Variants in ACBD6 observed in about 807,000 individuals in gnomAD.
The protein encoded by ACBD6 is acyl-CoA-binding domain-containing protein 6.
ACBD6 carries 28 observed loss-of-function variants against 37.2 expected under a neutral mutation model. That is an observed-to-expected ratio of 0.75 (90% CI 0.56 to 1.03). The LOEUF (loss-of-function observed/expected upper bound fraction) is 1.03. Among genes scored for constraint, ACBD6 ranks in the 50% least tolerant of loss-of-function variants. ACBD6 has a pLI of 0.00. For synonymous variants in ACBD6, 113 were observed against 126.8 expected, an observed-to-expected ratio of 0.89 and a Z score of 0.73; for missense variants, 340 against 337.4, an observed-to-expected ratio of 1.01 and a Z score of -0.06.
At chr1:180,499,120 T>C (rs1347899329) in intron 1 of ACBD6, among the ~76,000 whole-genome samples, 1 of 152,224 alleles carries the variant, frequency 6.6e-6, no homozygotes, top group Non-Finnish European at 1.5e-5. Flanking sequence ...ATAAGGTTCA[T>C]ATTTCAGCTT....
At chr1:180,364,210 C>T (rs1185922750) in intron 6 of ACBD6, among the ~76,000 whole-genome samples, 2 of 152,166 alleles carry the variant, frequency 1.3e-5, no homozygotes, top group African/African-American at 4.8e-5. Flanking sequence ...TTATTGATGG[C>T]CTAGCACATT....
chr1:180,485,096 G>GT, intron 3 of ACBD6, among the ~76,000 whole-genome samples: 1 of 151,596 alleles, frequency 6.6e-6, no homozygotes, highest in East Asian at 1.9e-4. Context: ...AAAAGTGTGT[G>GT]TATCTATAGA....
At chr1:180,408,660 A>C (rs566167468) in intron 5 of ACBD6, among the ~76,000 whole-genome samples, 21 of 152,184 alleles carry the variant, frequency 1.4e-4, no homozygotes, top group African/African-American at 5.1e-4. Flanking sequence ...CTAAAACTTA[A>C]AGTATAATAA....
At chr1:180,402,540 T>C (rs1647414291) in intron 5 of ACBD6, among the ~76,000 whole-genome samples, 1 of 152,152 alleles carries the variant, frequency 6.6e-6, no homozygotes, top group Admixed American at 6.5e-5. Flanking sequence ...AAAATCTGGC[T>C]GGGTGCGGTG....
chr1:180,436,682 T>A (rs1233427736), intron 3 of ACBD6, among the ~76,000 whole-genome samples: 2 of 152,200 alleles, frequency 1.3e-5, no homozygotes, highest in African/African-American at 4.8e-5. Flanking sequence ...CTCAATTTGT[T>A]TTTTAGCAGT....
chr1:180,391,442 A>G (rs1017017223), intron 6 of ACBD6, among the ~76,000 whole-genome samples: 1 of 152,198 alleles, frequency 6.6e-6, no homozygotes, highest in African/African-American at 2.4e-5. Flanking sequence ...TATAACTCTT[A>G]TAACTCAATA....
chr1:180,421,643 C>T (rs1424914416), intron 4 of ACBD6, among the ~76,000 whole-genome samples: 3 of 152,260 alleles, frequency 2.0e-5, no homozygotes, highest in Non-Finnish European at 2.9e-5. Context: ...TCCTTTTTCT[C>T]CACAATCTCA....
At chr1:180,466,039 G>T (rs1650336111) in intron 3 of ACBD6, among the ~76,000 whole-genome samples, 1 of 152,018 alleles carries the variant, frequency 6.6e-6, no homozygotes, top group Non-Finnish European at 1.5e-5. Context: ...GATAATTATT[G>T]GGTATTGAGC....
At chr1:180,381,338 G>A (rs546923935) in intron 6 of ACBD6, among the ~76,000 whole-genome samples, 3 of 152,076 alleles carry the variant, frequency 2.0e-5, no homozygotes, top group Non-Finnish European at 4.4e-5. Context: ...AGAAATACTG[G>A]ATTTAAACTG....
chr1:180,332,963 A>G (rs1007298620), intron 6 of ACBD6, among the ~76,000 whole-genome samples: 18 of 152,340 alleles, frequency 1.2e-4, no homozygotes, highest in African/African-American at 4.1e-4. Context: ...ACCATGGCCT[A>G]GAATAGCAGT....
intron 3 of ACBD6, among the ~76,000 whole-genome samples, chr1:180,454,354 C>T (rs1166687077): frequency 1.3e-5 from 2 of 152,162 alleles, no homozygotes; most frequent in Non-Finnish European, 2.9e-5. Flanking sequence ...CCCTTCCTTA[C>T]ACCTTATACA....
intron 5 of ACBD6, among the ~76,000 whole-genome samples, chr1:180,402,030 C>T (rs758810962): frequency 6.6e-6 from 1 of 152,064 alleles, no homozygotes; most frequent in Non-Finnish European, 1.5e-5. Context: ...TGAAATACTG[C>T]AAACAGGTAG....
chr1:180,280,804 TG>T (rs944705482), intron 9 of ACBD6, among the ~76,000 whole-genome samples: 1 of 152,014 alleles, frequency 6.6e-6, no homozygotes, highest in Non-Finnish European at 1.5e-5. Context: ...GTCTCTTGGG[TG>T]GTGGTTAGGG....
intron 9 of ACBD6, among the ~76,000 whole-genome samples, chr1:180,280,645 G>A (rs553302250): frequency 6.6e-6 from 1 of 152,302 alleles, no homozygotes; most frequent in East Asian, 1.9e-4. Flanking sequence ...CGCGTTAAGT[G>A]CTTTATTAGG....
At chr1:180,313,209 C>T (rs1186080380) in intron 7 of ACBD6, among the ~76,000 whole-genome samples, 2 of 152,126 alleles carry the variant, frequency 1.3e-5, no homozygotes, top group African/African-American at 4.8e-5. Flanking sequence ...TGCATCTATG[C>T]TCATAAGTAA....
At chr1:180,354,599 T>A (rs1652550724) in intron 6 of ACBD6, among the ~76,000 whole-genome samples, 1 of 152,190 alleles carries the variant, frequency 6.6e-6, no homozygotes, top group Admixed American at 6.5e-5. Flanking sequence ...CCCGATAAAG[T>A]AGGACTGCCG....
At chr1:180,364,788 C>G (rs1299867957) in intron 6 of ACBD6, among the ~76,000 whole-genome samples, 1 of 146,154 alleles carries the variant, frequency 6.8e-6, no homozygotes. Flanking sequence ...GGCTGGAGTA[C>G]AGTAGCGCGA....
Position 180,476,722 on chromosome 1 carries a change from A to C in ACBD6, c.384+15547T>G, listed in dbSNP as rs374028551. On this transcript the variant is annotated intron_variant, in intron 3 of 7. Transcript: ENST00000367595. ...GCACCTGTAATCCCAGCTACTCGGG[A>C]GGCTGAGGCAGGAGAATTGCTTGAA... 2.1e-4 allele frequency among the ~76,000 whole-genome samples: 32 copies of C among 152,288 alleles called. No individual in the cohort carries two copies. In the South Asian group the frequency reaches 2.9e-3, roughly 14 times the overall value.
rs1489647545 is a variant in ACBD6, at chr1:180,356,863, A to C, written c.663+40653T>G. The stretch of plus-strand genomic sequence containing the variant: ...CAGACCTTGTCTCAAAAGAAAAAAA[A>C]AAACAAAGATTGTTTATATTTGGTA... On this transcript the variant is annotated intron_variant, in intron 6 of 7. Transcript: ENST00000367595. Among the ~76,000 whole-genome samples the C allele has an allele frequency of 4.0e-5, 6 of 151,858 alleles. No individual in the cohort carries two copies. In the East Asian group the frequency reaches 1.2e-3, roughly 29 times the overall value.
Sources: gnomAD v4.1 joint callset for allele counts (sites outside exome capture counted in the v4.1 genomes callset) on GRCh38, gnomAD v4.1.1 for gene constraint, MANE v1.5 for transcripts, NCBI Gene and HGNC (gene_info 2026-07-23, HGNC 2026-07-21) for gene names.